NDST4: variants seen among roughly 807,000 people sequenced by gnomAD.
The protein encoded by NDST4 is N-deacetylase and N-sulfotransferase 4.
Under a neutral mutation model 100.8 loss-of-function variants are expected in NDST4, and 63 were observed. That is an observed-to-expected ratio of 0.62 (90% CI 0.51 to 0.77). The LOEUF (loss-of-function observed/expected upper bound fraction) is 0.77, where lower values mean the gene tolerates loss of function less well. Among genes scored for constraint, NDST4 ranks in the 30% least tolerant of loss-of-function variants. The pLI is 0.00. For synonymous variants in NDST4, 377 were observed against 361.8 expected, an observed-to-expected ratio of 1.04 and a Z score of -0.48; for missense variants, 943 against 1,018.4, an observed-to-expected ratio of 0.93 and a Z score of 1.01.
chr4:114,933,432 C>CTTTTTT (rs367931653), intron 6 of NDST4, among the ~76,000 whole-genome samples: 171 of 89,196 alleles, frequency 1.9e-3, no homozygotes, highest in Middle Eastern at 8.2e-3. Context: ...TTTTCTTTTC[C>CTTTTTT]TTTTTTTTTT....
intron 2 of NDST4, among the ~76,000 whole-genome samples, chr4:114,993,369 C>G (rs1198051773): frequency 6.6e-6 from 1 of 151,792 alleles, no homozygotes; most frequent in Non-Finnish European, 1.5e-5. Context: ...CTTACTTGAA[C>G]GTTCCTTCAC....
In NDST4 at chr4:115,067,516, G is replaced by GT. The variant is rs567483506; in HGVS notation, c.978+8542dup. Among the ~76,000 whole-genome samples, 568 of 148,874 alleles carry GT rather than the reference G, an allele frequency of 3.8e-3. 2 individuals carry two copies. Among genetic ancestry groups the GT allele is most frequent in the African/African-American group, 0.012 (489 of 40,742 alleles). ...AAGACACAAACTTAGTAATATTGAG[G>GT]TTTTTTTTTTCTTTCTCATTCAACC... On this transcript the variant is annotated intron_variant, in intron 2 of 13. Coordinates refer to ENST00000264363, the MANE Select transcript of NDST4 (RefSeq NM_022569.3).
intron 1 of NDST4, among the ~76,000 whole-genome samples, chr4:115,111,201 A>G (rs1729945868): frequency 1.3e-5 from 2 of 151,976 alleles, no homozygotes; most frequent in South Asian, 2.1e-4. Flanking sequence ...CAACTGTTCT[A>G]CTGGGTTGGA....
intron 6 of NDST4, among the ~76,000 whole-genome samples, chr4:114,934,889 C>A (rs986819740): frequency 1.3e-5 from 2 of 151,612 alleles, no homozygotes; most frequent in Non-Finnish European, 2.9e-5. Context: ...TCAATTATAC[C>A]TTCATAAAGC....
intron 4 of NDST4, among the ~76,000 whole-genome samples, chr4:114,956,179 C>A (rs755725982): frequency 6.6e-6 from 1 of 152,096 alleles, no homozygotes; most frequent in African/African-American, 2.4e-5. Flanking sequence ...GGGCTACTAC[C>A]CCAACCCAGG....
intron 1 of NDST4, among the ~76,000 whole-genome samples, chr4:115,092,512 A>T (rs905380652): frequency 6.6e-6 from 1 of 152,230 alleles, no homozygotes; most frequent in African/African-American, 2.4e-5. Flanking sequence ...ATACGGTAAT[A>T]ATAAAATCCT....
intron 2 of NDST4, among the ~76,000 whole-genome samples, chr4:114,988,417 A>AT (rs1726961352): frequency 1.6e-5 from 2 of 124,462 alleles, no homozygotes; most frequent in African/African-American, 6.4e-5. Flanking sequence ...GCTGGAGTGC[A>AT]GTGGCGCAAT....
chr4:114,927,770 C>A (rs1457026599), intron 6 of NDST4, among the ~76,000 whole-genome samples: 1 of 152,022 alleles, frequency 6.6e-6, no homozygotes, highest in Non-Finnish European at 1.5e-5. Flanking sequence ...TTGTCTACAG[C>A]ATTTCTATAA....
chr4:114,860,414 T>C (rs1335450199), intron 7 of NDST4, among the ~76,000 whole-genome samples: 1 of 152,100 alleles, frequency 6.6e-6, no homozygotes, highest in Non-Finnish European at 1.5e-5. Context: ...AGAGAGTATA[T>C]TTCACACTCT....
intron 4 of NDST4, among the ~76,000 whole-genome samples, chr4:114,951,837 G>A (rs531617955): frequency 1.3e-5 from 2 of 152,200 alleles, no homozygotes; most frequent in Non-Finnish European, 2.9e-5. Context: ...GAGCCTTTAT[G>A]TATAAAAGTA....
chr4:114,938,986 A>C (rs1275966520), intron 4 of NDST4, among the ~76,000 whole-genome samples: 1 of 152,182 alleles, frequency 6.6e-6, no homozygotes, highest in South Asian at 2.1e-4. Flanking sequence ...TCTTCCTAGC[A>C]CTTGTGTTTC....
intron 4 of NDST4, among the ~76,000 whole-genome samples, chr4:114,966,822 C>CAGT (rs1169037170): frequency 1.3e-5 from 2 of 151,996 alleles, no homozygotes; most frequent in African/African-American, 4.8e-5. Flanking sequence ...TGAAATTGAT[C>CAGT]AGTAGCATTA....
intron 2 of NDST4, among the ~76,000 whole-genome samples, chr4:114,983,457 G>T (rs1477477288): frequency 1.3e-5 from 2 of 152,176 alleles, no homozygotes; most frequent in Non-Finnish European, 2.9e-5. Flanking sequence ...TTTAATGACT[G>T]CCCTGCTGGG....
intron 6 of NDST4, among the ~76,000 whole-genome samples, chr4:114,931,441 C>A (rs1476034912): frequency 6.6e-6 from 1 of 150,682 alleles, no homozygotes; most frequent in Non-Finnish European, 1.5e-5. Flanking sequence ...AATTTTATAT[C>A]TCAAGGAACT....
At chr4:115,087,622 G>A (rs1455869636) in intron 1 of NDST4, among the ~76,000 whole-genome samples, 2 of 151,618 alleles carry the variant, frequency 1.3e-5, no homozygotes, top group Non-Finnish European at 2.9e-5. Context: ...TAACAATGTT[G>A]CGATTTCCTA....
At chr4:114,992,391 A>G (rs886449377) in intron 2 of NDST4, among the ~76,000 whole-genome samples, 14 of 151,920 alleles carry the variant, frequency 9.2e-5, no homozygotes, top group Non-Finnish European at 1.9e-4. Context: ...TGTTGTTGAC[A>G]GTTTCCATTA....
At chr4:115,030,867 C>G (rs1728099534) in intron 2 of NDST4, among the ~76,000 whole-genome samples, 1 of 152,034 alleles carries the variant, frequency 6.6e-6, no homozygotes, top group African/African-American at 2.4e-5. Flanking sequence ...TGGGCCTCAA[C>G]TTTAATCTAG....
At chr4:114,975,078 T>C (rs911300905) in intron 3 of NDST4, among the ~76,000 whole-genome samples, 3 of 152,108 alleles carry the variant, frequency 2.0e-5, no homozygotes, top group Non-Finnish European at 4.4e-5. Flanking sequence ...GAAATCTCCG[T>C]ATAGAAATGT....
At chr4:114,853,476 C>A (rs1347602542) in intron 7 of NDST4, among the ~76,000 whole-genome samples, 1 of 152,202 alleles carries the variant, frequency 6.6e-6, no homozygotes, top group Non-Finnish European at 1.5e-5. Context: ...ACCTACACTT[C>A]CAGTGCCAGT....
Sources: allele counts gnomAD v4.1 joint callset (sites outside exome capture counted in the v4.1 genomes callset), GRCh38; gene constraint gnomAD v4.1.1; transcripts MANE v1.5; gene names NCBI Gene and HGNC (gene_info 2026-07-23, HGNC 2026-07-21).